The following MOB3B variants were observed in gnomAD, a reference collection of about 807,000 sequenced individuals.
MOB3B encodes MOB kinase activator-like 2B.
A neutral mutation model predicts 18.7 loss-of-function variants in MOB3B; 7 were observed. The ratio of observed to expected loss-of-function variants is 0.37; its 90% CI spans 0.21 to 0.70. The LOEUF (loss-of-function observed/expected upper bound fraction) is 0.70. MOB3B is among the 30% of genes least tolerant of loss of function. The pLI is 0.52. For synonymous variants in MOB3B, 111 were observed against 99.9 expected, an observed-to-expected ratio of 1.11 and a Z score of -0.66; for missense variants, 253 against 281.3, an observed-to-expected ratio of 0.90 and a Z score of 0.72.
In MOB3B at chr9:27,328,809, A is replaced by C. The variant is rs1820747064; in HGVS notation, c.*1778T>G. On this transcript the variant is annotated 3_prime_UTR_variant, in exon 4 of 4. Coordinates refer to ENST00000262244, the MANE Select transcript of MOB3B (RefSeq NM_024761.5). ...TGTTCTCTGGATCTCTGTGATGGTC[A>C]GATATTCTTTTGGCCAAAAGAGATG... 1 of 152,634 alleles carries C rather than the reference A, an allele frequency of 6.6e-6. No individual in the cohort carries two copies. The highest frequency in any genetic ancestry group is 1.5e-5 in the Non-Finnish European group (1 of 68,052). The allele number at this position is 152,634 out of a possible 1,614,324, so 9.5% of individuals were successfully genotyped here.
At chr9:27,464,555 TA>T (rs902311341) in intron 1 of MOB3B, among the ~76,000 whole-genome samples, 9 of 152,342 alleles carry the variant, frequency 5.9e-5, no homozygotes, top group Admixed American at 3.9e-4. Flanking sequence ...TTTAACACAT[TA>T]CATTCCTGGT....
intron 2 of MOB3B, among the ~76,000 whole-genome samples, chr9:27,368,589 C>T (rs1821370624): frequency 6.6e-6 from 1 of 152,138 alleles, no homozygotes; most frequent in Admixed American, 6.5e-5. Context: ...ACAAAGTCCC[C>T]AAACAAGCTG....
At chr9:27,505,680 A>G (rs1326864697) in intron 1 of MOB3B, among the ~76,000 whole-genome samples, 1 of 152,242 alleles carries the variant, frequency 6.6e-6, no homozygotes, top group East Asian at 1.9e-4. Flanking sequence ...AGCTTAATGC[A>G]TGAAGCTGTC....
chr9:27,328,139 C>A lies in MOB3B; in HGVS notation c.*2448G>T, dbSNP rs1820737952. On this transcript the variant is annotated 3_prime_UTR_variant, in exon 4 of 4. Transcript: ENST00000262244. ...GCACTAAAGGACATAAGGGTACTCACTATAATCTTTCAACTTTGAAACTTT... is the reference window on the plus strand; with the variant it reads ...GCACTAAAGGACATAAGGGTACTCAATATAATCTTTCAACTTTGAAACTTT... 6.6e-6 allele frequency: 1 copy of A among 151,434 alleles called. No homozygotes were observed. The highest frequency in any genetic ancestry group is 1.5e-5 in the Non-Finnish European group (1 of 67,918). 9.4% of individuals were successfully genotyped at this position (151,434 alleles called of 1,614,324 possible).
At chr9:27,370,480 A>C (rs4878427) in intron 2 of MOB3B, among the ~76,000 whole-genome samples, 88,422 of 147,608 alleles carry the variant, frequency 0.6, 26,824 homozygotes, top group African/African-American at 0.66. Context: ...TGCACTCCAG[A>C]CTGGGCAACA....
chr9:27,334,521 T>C (rs906333212), intron 3 of MOB3B, among the ~76,000 whole-genome samples: 1 of 152,210 alleles, frequency 6.6e-6, no homozygotes, highest in African/African-American at 2.4e-5. Flanking sequence ...ATTTTTTCTG[T>C]TCTGATCTAA....
At chr9:27,449,000 C>T (rs1004175106) in intron 2 of MOB3B, among the ~76,000 whole-genome samples, 4 of 152,180 alleles carry the variant, frequency 2.6e-5, no homozygotes, top group Non-Finnish European at 5.9e-5. Flanking sequence ...CCCATTCCTA[C>T]CCTCTGCTGA....
intron 2 of MOB3B, among the ~76,000 whole-genome samples, chr9:27,386,049 A>G (rs1216718635): frequency 6.6e-6 from 1 of 152,226 alleles, no homozygotes; most frequent in Non-Finnish European, 1.5e-5. Context: ...AAGCACATGG[A>G]CAAGCCATCC....
In MOB3B at chr9:27,397,384, C is replaced by A. The variant is rs545471192; in HGVS notation, c.419-38148G>T. On this transcript the variant is annotated intron_variant, in intron 2 of 3. Coordinates refer to ENST00000262244, the MANE Select transcript of MOB3B (RefSeq NM_024761.5). ...AGGCTTTTCATCTATTGAACCACAG[C>A]ATAGAGTTAATACATAGAAAACAAC... 41 of 151,910 alleles carry A rather than the reference C, an allele frequency of 2.7e-4. 1 individual carries two copies. The highest frequency in any genetic ancestry group is 9.4e-4 in the African/African-American group (39 of 41,456). The allele number at this position is 151,910 out of a possible 1,614,324, so 9.4% of individuals were successfully genotyped here. A position where few individuals can be genotyped will look rare whatever the true frequency, so the allele number is the denominator to read the frequency against.
At chr9:27,459,011 G>GC (rs34345892) in intron 1 of MOB3B, among the ~76,000 whole-genome samples, 35,856 of 150,088 alleles carry the variant, frequency 0.24, 5,147 homozygotes, top group African/African-American at 0.4. Flanking sequence ...GATCAGGTAG[G>GC]CCCCCCCCCA....
chr9:27,362,665 GAC>G (rs993979743), intron 2 of MOB3B, among the ~76,000 whole-genome samples: 2 of 152,138 alleles, frequency 1.3e-5, no homozygotes, highest in African/African-American at 4.8e-5. Context: ...GCCAACTCCA[GAC>G]ACTGCAAAGA....
chr9:27,513,925 ATGGTGGG>A (rs1323136941), intron 1 of MOB3B, among the ~76,000 whole-genome samples: 1 of 10,234 alleles, frequency 9.8e-5, no homozygotes, highest in African/African-American at 2.6e-4. Flanking sequence ...GGATGGATGG[ATGGTGGG>A]TGGGTGGATG....
intron 2 of MOB3B, among the ~76,000 whole-genome samples, chr9:27,375,923 C>T (rs981253395): frequency 3.3e-5 from 5 of 152,116 alleles, no homozygotes; most frequent in African/African-American, 7.2e-5. Context: ...TAGGTGACTG[C>T]CTACACAAAT....
chr9:27,359,162 C>T lies in MOB3B; in HGVS notation c.493G>A (p.Val165Ile), dbSNP rs376064786. The change falls in exon 3 of 4, where the codon GTC becomes ATC. Residue 165 changes from valine (V) to isoleucine (I), a missense_variant. Val to Ile is a conservative substitution (Grantham distance 29). Transcript: ENST00000262244. ...LCRLFRVFVH[V>I]YIHHFDRVIV... ...ACCCGGTCGAAGTGGTGGATATAGA[C>T]GTGGACAAAGACCCGGAAAAGGCGG... is the stretch of plus-strand genomic sequence containing the variant. The T allele has an allele frequency of 1.9e-5, 30 of 1,613,880 alleles. No homozygotes were observed. The highest frequency in any genetic ancestry group is 2.3e-5 in the Non-Finnish European group (27 of 1,180,034).
At chr9:27,383,164 G>A (rs1235741442) in intron 2 of MOB3B, among the ~76,000 whole-genome samples, 1 of 152,078 alleles carries the variant, frequency 6.6e-6, no homozygotes, top group African/African-American at 2.4e-5. Flanking sequence ...GCTTGCACAT[G>A]ATCACTTGGA....
intron 1 of MOB3B, among the ~76,000 whole-genome samples, chr9:27,500,905 A>G (rs1819980749): frequency 6.6e-6 from 1 of 152,228 alleles, no homozygotes; most frequent in Non-Finnish European, 1.5e-5. Flanking sequence ...TTTACAAGAA[A>G]AAAACAAACA....
chr9:27,489,576 G>A (rs1343020264), intron 1 of MOB3B, among the ~76,000 whole-genome samples: 1 of 152,098 alleles, frequency 6.6e-6, no homozygotes, highest in Non-Finnish European at 1.5e-5. Context: ...GATGGAGGTG[G>A]TGAGGCATAA....
rs533892761 is a variant in MOB3B at position 27,419,649 on chromosome 9, T to C, written c.418+35484A>G. Among the ~76,000 whole-genome samples, 5 of 152,224 alleles carry C rather than the reference T, an allele frequency of 3.3e-5. No homozygotes were observed. The South Asian group carries it at 1.0e-3, about 32-fold the overall frequency. On this transcript the variant is annotated intron_variant, in intron 2 of 3. Coordinates refer to ENST00000262244, the MANE Select transcript of MOB3B (RefSeq NM_024761.5). ...CCTCATCTCTCGCCTTATACAAAAA[T>C]CAACTTAAGACGGATTAAAGACTTA... is the stretch of plus-strand genomic sequence containing the variant.
intron 1 of MOB3B, among the ~76,000 whole-genome samples, chr9:27,468,888 G>A (rs558795043): frequency 3.3e-5 from 5 of 152,294 alleles, no homozygotes; most frequent in South Asian, 4.1e-4. Flanking sequence ...TGGACATGAT[G>A]TTTCCCAGGC....
Sources: allele counts gnomAD v4.1 joint callset (sites outside exome capture counted in the v4.1 genomes callset), GRCh38; gene constraint gnomAD v4.1.1; transcripts MANE v1.5; gene names NCBI Gene and HGNC (gene_info 2026-07-23, HGNC 2026-07-21).